ATM: variants seen among roughly 807,000 people sequenced by gnomAD.
ATM encodes ATM serine/threonine kinase, also known as serine-protein kinase ATM.
Under a neutral mutation model 387.0 loss-of-function variants are expected in ATM, and 308 were observed. That is an observed-to-expected ratio of 0.80 (90% CI 0.73 to 0.87). The LOEUF is 0.87. ATM is among the 40% of genes least tolerant of loss of function. ATM has a pLI of 0.00. For synonymous variants in ATM, 1,156 were observed against 1,187.3 expected (o/e 0.97, Z 0.54); for missense variants, 3,312 against 3,560.9 (o/e 0.93, Z 1.78).
rs139316519 is a variant in ATM at position 108,268,450 on chromosome 11, A to G, written c.2679A>G (p.Gln893=). The G allele has an allele frequency of 2.3e-5, 37 of 1,613,916 alleles. No individual in the cohort carries two copies. The highest frequency in any genetic ancestry group is 3.1e-5 in the Non-Finnish European group (36 of 1,179,996). ...NPLAEEYLSK[Q]DLLFLDMLKF... Reference sequence around the variant, plus strand: ...TAGCTGAAGAATATCTGTCAAAGCAAGATCTACTTTTCTTAGACATGCTCA... The same window carrying G: ...TAGCTGAAGAATATCTGTCAAAGCAGGATCTACTTTTCTTAGACATGCTCA... Residue 893 remains glutamine, a synonymous_variant, in exon 18 of 63, where the codon CAA becomes CAG. Transcript: ENST00000675843.
intron 61 of ATM, among the ~76,000 whole-genome samples, chr11:108,358,138 T>G (rs944045195): frequency 4.0e-5 from 6 of 150,170 alleles, no homozygotes; most frequent in Middle Eastern, 3.2e-3. Context: ...TCGAGAACTA[T>G]GTGAAGAATG....
rs981822562 is a variant in ATM, at chr11:108,368,501, G to A, written c.*2993G>A. ...GATACTATCCCAATACACTGCTGGA[G>A]AAATCAGAATTTGGAGAAATAAGTT... On this transcript the variant is annotated 3_prime_UTR_variant, in exon 63 of 63. Coordinates refer to ENST00000675843, the MANE Select transcript of ATM (RefSeq NM_000051.4). The A allele has an allele frequency of 1.9e-5, 4 of 215,344 alleles. No individual in the cohort carries two copies. Among genetic ancestry groups the A allele is most frequent in the Non-Finnish European group, 3.7e-5 (4 of 106,896 alleles). The allele number at this position is 215,344 out of a possible 1,614,324, so 13.3% of individuals were successfully genotyped here. A position where few individuals can be genotyped will look rare whatever the true frequency, so the allele number is the denominator to read the frequency against.
In ATM at chr11:108,366,636, T is replaced by C; in HGVS notation, c.*1128T>C. 4.3e-6 allele frequency: 1 copy of C among 230,668 alleles called. No homozygotes were observed. The highest frequency in any genetic ancestry group is 8.6e-6 in the Non-Finnish European group (1 of 116,390). The allele number at this position is 230,668 out of a possible 1,614,324, so 14.3% of individuals were successfully genotyped here. On this transcript the variant is annotated 3_prime_UTR_variant, in exon 63 of 63. Coordinates refer to ENST00000675843, the MANE Select transcript of ATM (RefSeq NM_000051.4). ...AGGGCTGTTGCTGCACACAAGCCCA[T>C]TCTTATTTTAATTTCTTGGCTTTAG...
Position 108,268,611 on chromosome 11 carries a change from TGA to T in ATM, c.2838+4_2838+5del. 6.2e-7 allele frequency: 1 copy of T among 1,613,560 alleles called. No homozygotes were observed. Among genetic ancestry groups the T allele is most frequent in the Non-Finnish European group, 8.5e-7 (1 of 1,179,764 alleles). On this transcript the variant is annotated splice_donor_region_variant and intron_variant, in intron 18 of 62. Transcript: ENST00000675843. Reference sequence around the variant, plus strand: ...ACCAAATCCCTCCACCTGCATATGGTGAGTTACGTTAAATGAAGAAGCTCTTG... The same window carrying T: ...ACCAAATCCCTCCACCTGCATATGGTGTTACGTTAAATGAAGAAGCTCTTG...
chr11:108,326,907 C>T (rs2085735742), intron 47 of ATM, among the ~76,000 whole-genome samples: 1 of 152,164 alleles, frequency 6.6e-6, no homozygotes, highest in Non-Finnish European at 1.5e-5. Flanking sequence ...CTCACCGCAA[C>T]CTCCACCTCC....
chr11:108,320,141 G>A (rs2085098058), intron 44 of ATM, 83 bp downstream of exon 44: 1 of 1,079,004 alleles, frequency 9.3e-7, no homozygotes, highest in Non-Finnish European at 1.4e-6. Flanking sequence ...CAATTTTAAT[G>A]TAAGGATTTG....
chr11:108,308,135 T>C, intron 38 of ATM, 151 bp downstream of exon 38: 1 of 763,620 alleles, frequency 1.3e-6, no homozygotes, highest in Admixed American at 2.1e-5. Context: ...CAGTAATCCA[T>C]ATTCAGGATA....
chr11:108,342,983 G>A (rs1591245743), intron 56 of ATM, among the ~76,000 whole-genome samples: 1 of 152,152 alleles, frequency 6.6e-6, no homozygotes, highest in African/African-American at 2.4e-5. Flanking sequence ...TCAGAGAATC[G>A]TGGGGATTGA....
In ATM at chr11:108,365,414, T is replaced by A. The variant is rs1565609286; in HGVS notation, c.9077T>A (p.Leu3026His). The A allele has an allele frequency of 6.2e-7, 1 of 1,614,212 alleles. No individual in the cohort carries two copies. Among genetic ancestry groups the A allele is most frequent in the Non-Finnish European group, 8.5e-7 (1 of 1,180,036 alleles). Residue 3026 changes from leucine to histidine, a missense_variant, in exon 63 of 63, where the codon CTC becomes CAC. Transcript: ENST00000675843. ...AAAGGAGTGGAAGAAGGCACTGTGC[T>A]CAGTGTTGGTGGACAAGTGAATTTG... is the stretch of plus-strand genomic sequence containing the variant. ...KLKGVEEGTV[L>H]SVGGQVNLLI...
At chr11:108,243,279 A>AT (rs1265916714) in intron 5 of ATM, among the ~76,000 whole-genome samples, 4 of 151,942 alleles carry the variant, frequency 2.6e-5, no homozygotes, top group South Asian at 2.1e-4. Context: ...GTCTCAACAC[A>AT]TTTTTTGCAT....
intron 53 of ATM, 26 bp downstream of exon 53, chr11:108,332,926 T>G (rs767248557): frequency 5.6e-6 from 9 of 1,604,944 alleles, no homozygotes; most frequent in Admixed American, 1.7e-5. Context: ...AGAAGAAACG[T>G]TACTTTCTTG....
Position 108,365,341 on chromosome 11 carries a change from T to G in ATM, c.9004T>G (p.Phe3002Val), listed in dbSNP as rs534644067. 6.2e-7 allele frequency: 1 copy of G among 1,614,188 alleles called. No individual in the cohort carries two copies. The highest frequency in any genetic ancestry group is 1.1e-5 in the South Asian group (1 of 91,084). ...KRNLSDIDQSFNKVAERVLMR... is the reference protein window; with the variant it reads ...KRNLSDIDQSVNKVAERVLMR... ...TGTCCTTAGTGATATTGACCAGAGTTTCAACAAAGTAGCTGAACGTGTCTT... is the reference window on the plus strand; with the variant it reads ...TGTCCTTAGTGATATTGACCAGAGTGTCAACAAAGTAGCTGAACGTGTCTT... The change falls in exon 63 of 63, where the codon TTC becomes GTC. Residue 3002 changes from phenylalanine (F) to valine (V), a missense_variant. Around this residue, in one of 4 missense-constraint regions of ATM, gnomAD observed 95 missense variants for 100.3 expected, o/e 0.95. Transcript: ENST00000675843.
chr11:108,284,286 A>T lies in ATM; in HGVS notation c.3806A>T (p.Lys1269Met), dbSNP rs146017595. 1 of 1,613,608 alleles carries T rather than the reference A, an allele frequency of 6.2e-7. No individual in the cohort carries two copies. Residue 1269 changes from lysine (K) to methionine (M), a missense_variant, in exon 26 of 63, where the codon AAG (lysine) becomes ATG (methionine). Transcript: ENST00000675843. ...LVIRSHFDEV[K>M]SIANQIQEDW... ...ATTAGAAGTCATTTTGATGAGGTGA[A>T]GTCCATTGCTAATCAGATTCAAGAG...
chr11:108,304,596 C>A lies in ATM; in HGVS notation c.5497-79C>A, dbSNP rs1013569933. On this transcript the variant is annotated intron_variant, in intron 36 of 62. Coordinates refer to ENST00000675843, the MANE Select transcript of ATM (RefSeq NM_000051.4). Reference sequence around the variant, plus strand: ...TTAGAAATTTAATATGTCAACGGGGCATGAAAATTTTAAGTAAAATGTATT... The same window carrying A: ...TTAGAAATTTAATATGTCAACGGGGAATGAAAATTTTAAGTAAAATGTATT... The A allele has an allele frequency of 4.5e-6, 6 of 1,346,636 alleles. No individual in the cohort carries two copies. The African/African-American group carries it at 8.7e-5, about 20-fold the overall frequency. The allele number at this position is 1,346,636 out of a possible 1,614,324, so 83.4% of individuals were successfully genotyped here.
At chr11:108,229,585 C>G in intron 4 of ATM, 1 of 364,814 alleles carries the variant, frequency 2.7e-6, no homozygotes, top group Non-Finnish European at 4.9e-6. Context: ...GTTGTAAACA[C>G]CACTGCACTC....
intron 7 of ATM, among the ~76,000 whole-genome samples, chr11:108,246,295 T>C (rs1257216107): frequency 1.3e-5 from 2 of 152,160 alleles, no homozygotes; most frequent in East Asian, 1.9e-4. Context: ...ATCAGGCTTA[T>C]TAGGAGGTGA....
intron 5 of ATM, among the ~76,000 whole-genome samples, chr11:108,241,625 C>T (rs1188256531): frequency 1.3e-5 from 2 of 151,438 alleles, no homozygotes; most frequent in African/African-American, 2.4e-5. Flanking sequence ...TAGTATGTGA[C>T]TGTGGTTGGA....
intron 13 of ATM, among the ~76,000 whole-genome samples, chr11:108,254,326 A>T (rs1773441405): frequency 6.6e-6 from 1 of 152,324 alleles, no homozygotes; most frequent in African/African-American, 2.4e-5. Flanking sequence ...GGATTATATG[A>T]TGAAAAAAAC....
At chr11:108,330,515 C>A in intron 50 of ATM, 94 bp downstream of exon 50, 2 of 1,280,646 alleles carry the variant, frequency 1.6e-6, no homozygotes, top group Non-Finnish European at 2.3e-6. Context: ...TCTTTGTATT[C>A]CTAGCACTTG....
Sources: allele counts gnomAD v4.1 joint callset (sites outside exome capture counted in the v4.1 genomes callset), GRCh38; gene constraint gnomAD v4.1.1; regional missense constraint gnomAD v4.1.1; transcripts MANE v1.5; gene names NCBI Gene and HGNC (gene_info 2026-07-23, HGNC 2026-07-21).